Variants in BEND6 observed in about 807,000 individuals in gnomAD.
BEND6 encodes BEN domain-containing protein 6.
BEND6 carries 24 observed loss-of-function variants against 31.8 expected under a neutral mutation model. The ratio of observed to expected loss-of-function variants is 0.75; its 90% confidence interval spans 0.55 to 1.06. BEND6 has a LOEUF of 1.06. Among genes scored for constraint, BEND6 ranks in the 50% least tolerant of loss-of-function variants. The probability of loss-of-function intolerance (pLI) is 0.00; values close to 1 mark genes in which losing one functional copy is unlikely to be tolerated. For synonymous variants in BEND6, 109 were observed against 114.6 expected, an observed-to-expected ratio of 0.95 and a Z score of 0.31; for missense variants, 294 against 327.4, an observed-to-expected ratio of 0.90 and a Z score of 0.79.
chr6:57,004,457 G>A (rs1376077485), intron 3 of BEND6: 6 of 606,622 alleles, frequency 9.9e-6, no homozygotes, highest in East Asian at 3.3e-5. Flanking sequence ...CCAGCCCTCC[G>A]CTGCCTCCTC....
At position 56,955,364 on chromosome 6, in the gene BEND6, C is replaced by G. The variant is rs1824654646; in HGVS notation, c.-197C>G. 2 of 152,348 alleles carry G rather than the reference C, an allele frequency of 1.3e-5. No individual in the cohort carries two copies. The highest frequency in any genetic ancestry group is 2.4e-5 in the African/African-American group (1 of 41,446). The allele number at this position is 152,348 out of a possible 1,614,324, so 9.4% of individuals were successfully genotyped here. ...GGCGCCAAGGAGCCAGGGGGAAAAC[C>G]GAGAGGCGCTGACAGGAGCCTCCCG... On this transcript the variant is annotated 5_prime_UTR_variant, in exon 1 of 7. Coordinates refer to ENST00000370746, the MANE Select transcript of BEND6 (RefSeq NM_152731.3).
At chr6:57,020,797 A>C (rs1224506193) in intron 6 of BEND6, among the ~76,000 whole-genome samples, 4 of 149,332 alleles carry the variant, frequency 2.7e-5, no homozygotes, top group Non-Finnish European at 4.4e-5. Context: ...GTTATATTTC[A>C]GAGGTCTGTA....
intron 2 of BEND6, among the ~76,000 whole-genome samples, chr6:56,983,294 A>G (rs965522237): frequency 6.6e-6 from 1 of 151,808 alleles, no homozygotes; most frequent in African/African-American, 2.4e-5. Context: ...CCATTTTTAA[A>G]ATTTTTGTTG....
At chr6:56,958,897 T>C (rs371760937) in intron 1 of BEND6, among the ~76,000 whole-genome samples, 20 of 152,070 alleles carry the variant, frequency 1.3e-4, no homozygotes, top group East Asian at 9.6e-4. Flanking sequence ...AACCAGACAT[T>C]AATGAGTTGA....
chr6:57,010,728 G>T (rs1827315511), intron 3 of BEND6: 2 of 895,582 alleles, frequency 2.2e-6, no homozygotes, highest in Non-Finnish European at 2.7e-6. Flanking sequence ...CTTATGAAAA[G>T]ATATTTAAAT....
chr6:56,968,307 C>CTTTTTTTTTTTTTTTTTTTTTTT (rs1562535945), intron 1 of BEND6, among the ~76,000 whole-genome samples: 1 of 106,494 alleles, frequency 9.4e-6, no homozygotes, highest in Non-Finnish European at 1.9e-5. Context: ...TTCTTTCTTT[C>CTTTTTTTTTTTTTTTTTTTTTTT]TTTTCTTTTT....
At position 56,980,411 on chromosome 6, in the gene BEND6, ATT is replaced by A. The variant is rs576781442; in HGVS notation, c.-100-1298_-100-1297del. ...ACCATGTTGCCTAGGCTGGTCTTGA[ATT>A]TCTCAGCTCAGGCAATCTGCCCGCC... On this transcript the variant is annotated intron_variant, in intron 1 of 6. Transcript: ENST00000370746. 4.6e-5 allele frequency among the ~76,000 whole-genome samples: 7 copies of A among 152,252 alleles called. No homozygotes were observed. The East Asian group carries it at 1.4e-3, about 29-fold the overall frequency.
intron 2 of BEND6, among the ~76,000 whole-genome samples, chr6:56,991,045 T>C (rs1433525529): frequency 1.3e-5 from 2 of 152,170 alleles, no homozygotes; most frequent in East Asian, 3.8e-4. Context: ...TGCAATCTAA[T>C]GAAAACAATA....
chr6:57,004,305 G>A (rs1301876049), intron 3 of BEND6, among the ~76,000 whole-genome samples: 1 of 151,614 alleles, frequency 6.6e-6, no homozygotes, highest in African/African-American at 2.4e-5. Flanking sequence ...TCCTCGAAAC[G>A]ATAACGACTC....
chr6:56,989,327 T>C (rs554472015), intron 2 of BEND6, among the ~76,000 whole-genome samples: 70 of 152,300 alleles, frequency 4.6e-4, no homozygotes, highest in African/African-American at 1.6e-3. Flanking sequence ...TGCTGTATAA[T>C]ATCCCAACTT....
At chr6:56,963,842 CTAA>C (rs1825370069) in intron 1 of BEND6, among the ~76,000 whole-genome samples, 1 of 146,398 alleles carries the variant, frequency 6.8e-6, no homozygotes, top group Admixed American at 6.9e-5. Context: ...TATAATATAA[CTAA>C]TACAATACTA....
chr6:56,980,154 T>A (rs1294311912), intron 1 of BEND6, among the ~76,000 whole-genome samples: 1 of 152,212 alleles, frequency 6.6e-6, no homozygotes, highest in Non-Finnish European at 1.5e-5. Flanking sequence ...CTACTTTGCC[T>A]ATGCCTCTTG....
intron 3 of BEND6, chr6:57,014,567 T>C: frequency 2.9e-6 from 4 of 1,366,674 alleles, no homozygotes; most frequent in Non-Finnish European, 3.9e-6. Context: ...AAATATTCCA[T>C]TGATTACCAA....
chr6:56,994,186 G>T (rs972029700), intron 3 of BEND6, among the ~76,000 whole-genome samples: 2 of 151,898 alleles, frequency 1.3e-5, no homozygotes, highest in African/African-American at 4.8e-5. Context: ...TTGGCCGGGC[G>T]CAGTGGCTCA....
At chr6:57,020,838 T>TG (rs1554290990) in intron 6 of BEND6, among the ~76,000 whole-genome samples, 24 of 149,650 alleles carry the variant, frequency 1.6e-4, no homozygotes, top group African/African-American at 5.4e-4. Flanking sequence ...CTCTTGTTTT[T>TG]TTTTTTTTTT....
chr6:56,957,936 T>C lies in BEND6; in HGVS notation c.-101+2476T>C, dbSNP rs925709922. Among the ~76,000 whole-genome samples the C allele has an allele frequency of 4.6e-5, 7 of 152,292 alleles. No individual in the cohort carries two copies. In the East Asian group the frequency reaches 1.3e-3, roughly 29 times the overall value. On this transcript the variant is annotated intron_variant, in intron 1 of 6. Coordinates refer to ENST00000370746, the MANE Select transcript of BEND6 (RefSeq NM_152731.3). The stretch of plus-strand genomic sequence containing the variant: ...AATATTGTGTTAACTCTATTCAAGA[T>C]AAAGTCAGATTGAAGAACACAGCTT...
intron 1 of BEND6, among the ~76,000 whole-genome samples, chr6:56,973,116 A>T (rs1004605429): frequency 2.0e-5 from 3 of 152,212 alleles, no homozygotes; most frequent in Non-Finnish European, 2.9e-5. Context: ...AGTGGGATAT[A>T]TGTTGAGAGA....
chr6:56,970,174 T>C (rs1825641232), intron 1 of BEND6, among the ~76,000 whole-genome samples: 1 of 152,178 alleles, frequency 6.6e-6, no homozygotes, highest in Non-Finnish European at 1.5e-5. Flanking sequence ...GCTCTTGGCT[T>C]ATATTATTCC....
At chr6:57,004,060 C>T (rs541782755) in intron 3 of BEND6, among the ~76,000 whole-genome samples, 44 of 152,258 alleles carry the variant, frequency 2.9e-4, no homozygotes, top group Admixed American at 2.7e-3. Context: ...GACAAACCCA[C>T]AGCCAACATA....
Sources: allele counts gnomAD v4.1 joint callset (sites outside exome capture counted in the v4.1 genomes callset), GRCh38; gene constraint gnomAD v4.1.1; transcripts MANE v1.5; gene names NCBI Gene and HGNC (gene_info 2026-07-23, HGNC 2026-07-21).